Variants in IQGAP2 observed in about 807,000 individuals in gnomAD.
IQGAP2 encodes ras GTPase-activating-like protein IQGAP2.
In IQGAP2, 173 loss-of-function variants were observed where a neutral mutation model predicts 201.3. That is an observed-to-expected ratio of 0.86 (90% CI 0.76 to 0.98). The LOEUF (loss-of-function observed/expected upper bound fraction) is 0.98. Ranked by LOEUF, IQGAP2 falls within the 50% of genes least tolerant of loss-of-function variation. The pLI is 0.00. For synonymous variants in IQGAP2, 675 were observed against 673.9 expected, an observed-to-expected ratio of 1.00 and a Z score of -0.03; for missense variants, 1,687 against 1,864.8, an observed-to-expected ratio of 0.90 and a Z score of 1.76.
At chr5:76,454,400 C>T (rs1753947607) in intron 1 of IQGAP2, among the ~76,000 whole-genome samples, 1 of 150,888 alleles carries the variant, frequency 6.6e-6, no homozygotes, top group Non-Finnish European at 1.5e-5. Flanking sequence ...ATTAACTCGT[C>T]CTTTAGCATT....
At chr5:76,564,809 G>A (rs930482876) in intron 3 of IQGAP2, among the ~76,000 whole-genome samples, 1 of 152,192 alleles carries the variant, frequency 6.6e-6, no homozygotes, top group South Asian at 2.1e-4. Context: ...CTGGAAGGCC[G>A]GGTGGCACAG....
intron 11 of IQGAP2, 56 bp from the exon 12 acceptor site, chr5:76,606,123 C>T (rs1580579035): frequency 2.0e-6 from 3 of 1,478,458 alleles, no homozygotes; most frequent in East Asian, 2.3e-5. Flanking sequence ...TGAGAAACAA[C>T]AGGAACGAAG....
chr5:76,589,325 A>G (rs1256398831), intron 6 of IQGAP2, among the ~76,000 whole-genome samples: 1 of 151,952 alleles, frequency 6.6e-6, no homozygotes, highest in Non-Finnish European at 1.5e-5. Context: ...AAAAAAAAAA[A>G]AAAAAAATTA....
chr5:76,542,201 T>A (rs1245331808), intron 2 of IQGAP2, among the ~76,000 whole-genome samples: 1 of 152,190 alleles, frequency 6.6e-6, no homozygotes, highest in African/African-American at 2.4e-5. Context: ...GCACAAGCAG[T>A]CCTCCTGCCT....
chr5:76,579,178 T>C (rs1745669553), intron 5 of IQGAP2, among the ~76,000 whole-genome samples: 1 of 152,166 alleles, frequency 6.6e-6, no homozygotes, highest in Non-Finnish European at 1.5e-5. Context: ...GTAAGACCCA[T>C]ACTACAAGTT....
chr5:76,592,890 A>G lies in IQGAP2; in HGVS notation c.872A>G (p.Gln291Arg). 1.2e-6 allele frequency: 2 copies of G among 1,612,706 alleles called. No individual in the cohort carries two copies. The highest frequency in any genetic ancestry group is 1.7e-6 in the Non-Finnish European group (2 of 1,178,734). Reference protein sequence around the residue: ...ERDAYEELLTQAEIQGNINKV... With the variant: ...ERDAYEELLTRAEIQGNINKV... The stretch of plus-strand genomic sequence containing the variant: ...GATGCTTATGAAGAACTGCTGACAC[A>G]AGCAGAAATCCAAGGCAATATTAAT... Residue 291 changes from glutamine (Q) to arginine (R), a missense_variant, in exon 9 of 36, where the codon CAA (glutamine) becomes CGA (arginine). Transcript: ENST00000274364.
chr5:76,654,576 A>G (rs1301656066), intron 19 of IQGAP2, among the ~76,000 whole-genome samples: 1 of 152,222 alleles, frequency 6.6e-6, no homozygotes, highest in Non-Finnish European at 1.5e-5. Context: ...AGTTTTTTCA[A>G]CTGTTAACTG....
chr5:76,518,503 C>G (rs1758473678), intron 2 of IQGAP2, among the ~76,000 whole-genome samples: 1 of 152,142 alleles, frequency 6.6e-6, no homozygotes, highest in African/African-American at 2.4e-5. Flanking sequence ...CAGCCCCTCC[C>G]ACAACACGTG....
Position 76,597,609 on chromosome 5 carries a change from C to A in IQGAP2, c.1071+7C>A. On this transcript the variant is annotated splice_region_variant and intron_variant, in intron 10 of 35. Transcript: ENST00000274364. ...CCAGAAACAGAACACCATGGTAAGTCAGAGGAGACCCCAGCTGTGGGGACG... is the reference window on the plus strand; with the variant it reads ...CCAGAAACAGAACACCATGGTAAGTAAGAGGAGACCCCAGCTGTGGGGACG... 1 of 1,613,706 alleles carries A rather than the reference C, an allele frequency of 6.2e-7. No individual in the cohort carries two copies. Among genetic ancestry groups the A allele is most frequent in the South Asian group, 1.1e-5 (1 of 91,032 alleles).
chr5:76,531,862 A>T (rs1460967676), intron 2 of IQGAP2, among the ~76,000 whole-genome samples: 2 of 152,200 alleles, frequency 1.3e-5, no homozygotes, highest in Non-Finnish European at 2.9e-5. Flanking sequence ...ACAGAAATTT[A>T]TTTCTCACAA....
chr5:76,489,839 T>G (rs1265083973), intron 2 of IQGAP2, among the ~76,000 whole-genome samples: 1 of 152,222 alleles, frequency 6.6e-6, no homozygotes, highest in Non-Finnish European at 1.5e-5. Context: ...TGAGGATTGT[T>G]TCTGACTCCT....
intron 2 of IQGAP2, among the ~76,000 whole-genome samples, chr5:76,520,251 TTTAA>T (rs1203119990): frequency 6.6e-6 from 1 of 152,222 alleles, no homozygotes; most frequent in African/African-American, 2.4e-5. Flanking sequence ...CCTGTGGATT[TTTAA>T]TTATCTCAGC....
At chr5:76,649,666 G>A (rs534146277) in intron 17 of IQGAP2, among the ~76,000 whole-genome samples, 5 of 152,220 alleles carry the variant, frequency 3.3e-5, no homozygotes, top group Middle Eastern at 3.4e-3. Flanking sequence ...ACAAGCTGTC[G>A]ATGGATCTAC....
intron 2 of IQGAP2, among the ~76,000 whole-genome samples, chr5:76,468,849 T>C (rs1283735850): frequency 6.6e-6 from 1 of 152,220 alleles, no homozygotes; most frequent in Non-Finnish European, 1.5e-5. Context: ...ACTTACTTCC[T>C]CTTCAGATTG....
intron 30 of IQGAP2, among the ~76,000 whole-genome samples, chr5:76,691,263 C>G (rs994250215): frequency 1.3e-5 from 2 of 152,086 alleles, no homozygotes; most frequent in African/African-American, 4.8e-5. Flanking sequence ...AGCAGTTTGT[C>G]CTCCAGCAAC....
chr5:76,420,719 A>T (rs1302526482), intron 1 of IQGAP2, among the ~76,000 whole-genome samples: 2 of 152,120 alleles, frequency 1.3e-5, no homozygotes. Flanking sequence ...CATACACATT[A>T]AATAATAACT....
chr5:76,543,880 G>A (rs1471317293), intron 2 of IQGAP2, among the ~76,000 whole-genome samples: 3 of 152,106 alleles, frequency 2.0e-5, no homozygotes, highest in Non-Finnish European at 2.9e-5. Flanking sequence ...AGGGTGTGCC[G>A]CAGAAAGAAG....
chr5:76,691,638 G>A (rs1267877485), intron 30 of IQGAP2: 3 of 152,116 alleles, frequency 2.0e-5, no homozygotes, highest in Admixed American at 1.3e-4. Flanking sequence ...GGAGTATTTA[G>A]CTGTGCATTC....
intron 1 of IQGAP2, among the ~76,000 whole-genome samples, chr5:76,426,905 G>GGT (rs141560559): frequency 0.054 from 7,943 of 146,580 alleles, 556 homozygotes; most frequent in African/African-American, 0.16. Context: ...AACCATGGAG[G>GGT]GTGTGTGTGT....
Sources: allele counts gnomAD v4.1 joint callset (sites outside exome capture counted in the v4.1 genomes callset), GRCh38; gene constraint gnomAD v4.1.1; transcripts MANE v1.5; gene names NCBI Gene and HGNC (gene_info 2026-07-23, HGNC 2026-07-21).